The following CTIF variants were observed in gnomAD, a reference collection of about 807,000 sequenced individuals.
CTIF encodes CBP80/20-dependent translation initiation factor.
Under a neutral mutation model 66.0 loss-of-function variants are expected in CTIF, and 21 were observed. That is an observed-to-expected ratio of 0.32 (90% CI 0.23 to 0.46). The LOEUF (loss-of-function observed/expected upper bound fraction) is 0.46, where lower values mean the gene tolerates loss of function less well. CTIF is among the 20% of genes least tolerant of loss of function. CTIF has a pLI of 1.00. For synonymous variants in CTIF, 345 were observed against 326.4 expected (o/e 1.06, Z -0.62); for missense variants, 739 against 812.7 (o/e 0.91, Z 1.10).
intron 2 of CTIF, among the ~76,000 whole-genome samples, chr18:48,627,770 G>C (rs373941033): frequency 9.6e-4 from 129 of 134,946 alleles, no homozygotes; most frequent in Admixed American, 1.6e-3. Context: ...AGACAGGGTT[G>C]GGGGGGAGGG....
In CTIF at chr18:48,821,453, A is replaced by T. The variant is rs188089694; in HGVS notation, c.1527+4077A>T. 2.3e-3 allele frequency among the ~76,000 whole-genome samples: 344 copies of T among 152,384 alleles called. 2 individuals carry two copies. The highest frequency in any genetic ancestry group is 6.8e-3 in the Middle Eastern group (2 of 294). ...CACCAAGCGGTAGAATCAGTCCTGG[A>T]ATCCAGATCTGACCACCCCATTTCA... On this transcript the variant is annotated intron_variant, in intron 10 of 11. Transcript: ENST00000256413.
At chr18:48,705,826 G>C (rs1598901580) in intron 6 of CTIF, among the ~76,000 whole-genome samples, 1 of 152,238 alleles carries the variant, frequency 6.6e-6, no homozygotes, top group Non-Finnish European at 1.5e-5. Context: ...CACCCACCTG[G>C]CAGAACCTTC....
At position 48,619,669 on chromosome 18, in the gene CTIF, A is replaced by G; in HGVS notation, c.104A>G (p.Tyr35Cys). 6.2e-7 allele frequency: 1 copy of G among 1,607,570 alleles called. No individual in the cohort carries two copies. The highest frequency in any genetic ancestry group is 8.5e-7 in the Non-Finnish European group (1 of 1,177,296). Reference sequence around the variant, plus strand: ...TTCATCGACAGCTACGTGCTGGAGTACCAGGTGCAGGGGCTGCTGGCTGAC... The same window carrying G: ...TTCATCGACAGCTACGTGCTGGAGTGCCAGGTGCAGGGGCTGCTGGCTGAC... ...ERFIDSYVLEYQVQGLLADKT... is the reference protein window; with the variant it reads ...ERFIDSYVLECQVQGLLADKT... Residue 35 changes from tyrosine (Y) to cysteine (C), a missense_variant, in exon 2 of 12, where the codon TAC becomes TGC. By Grantham distance (194) the Tyr-to-Cys change is radical (BLOSUM62 -2). Around this residue, in one of 2 missense-constraint regions of CTIF, gnomAD observed 529 missense variants for 520.3 expected, o/e 1.02. Coordinates refer to ENST00000256413, the MANE Select transcript of CTIF (RefSeq NM_014772.3).
chr18:48,784,668 C>A (rs1427885503), intron 9 of CTIF, among the ~76,000 whole-genome samples: 1 of 152,022 alleles, frequency 6.6e-6, no homozygotes, highest in African/African-American at 2.4e-5. Context: ...CTGGGAGAGC[C>A]AGGAGAGGTG....
At chr18:48,806,096 G>A (rs1366761202) in intron 9 of CTIF, among the ~76,000 whole-genome samples, 1 of 152,224 alleles carries the variant, frequency 6.6e-6, no homozygotes, top group Admixed American at 6.5e-5. Flanking sequence ...GGGGGCTGTG[G>A]TGGAGGGGAC....
Position 48,680,696 on chromosome 18 carries a change from G to C in CTIF, c.507+9952G>C, listed in dbSNP as rs997496497. Among the ~76,000 whole-genome samples, 7 of 152,388 alleles carry C rather than the reference G, an allele frequency of 4.6e-5. No homozygotes were observed. In the East Asian group the frequency reaches 1.3e-3, roughly 29 times the overall value. ...CCTGAGCCAATTTGGCGATGCCCTT[G>C]ATGACTTGGGCCAGGCCTGGTTGAT... On this transcript the variant is annotated intron_variant, in intron 6 of 11. Transcript: ENST00000256413.
Position 48,617,353 on chromosome 18 carries a change from A to G in CTIF, c.-28-2185A>G, listed in dbSNP as rs927504712. 3.3e-5 allele frequency among the ~76,000 whole-genome samples: 5 copies of G among 152,208 alleles called. No homozygotes were observed. In the East Asian group the frequency reaches 9.6e-4, roughly 29 times the overall value. The stretch of plus-strand genomic sequence containing the variant: ...AAGTGCTTGGGTCAGGCCCTCCTGA[A>G]TAGTCTCTCTATCTTAAAGTCGACT... On this transcript the variant is annotated intron_variant, in intron 1 of 11. Transcript: ENST00000256413.
intron 7 of CTIF, among the ~76,000 whole-genome samples, chr18:48,742,627 G>C (rs867128420): frequency 2.6e-5 from 4 of 152,252 alleles, no homozygotes; most frequent in Non-Finnish European, 4.4e-5. Flanking sequence ...CTCTGTGTCA[G>C]AGCCAAGGCG....
chr18:48,630,906 T>G (rs944035694), intron 2 of CTIF, among the ~76,000 whole-genome samples: 4 of 152,078 alleles, frequency 2.6e-5, no homozygotes, highest in African/African-American at 9.7e-5. Flanking sequence ...CTTGATCTCC[T>G]GAACTCGTGA....
intron 3 of CTIF, among the ~76,000 whole-genome samples, chr18:48,644,603 C>G (rs1290429117): frequency 6.6e-6 from 1 of 152,230 alleles, no homozygotes; most frequent in Non-Finnish European, 1.5e-5. Context: ...ATGCTGACAA[C>G]TAGCTCCTAT....
At chr18:48,803,217 T>C (rs1240000299) in intron 9 of CTIF, among the ~76,000 whole-genome samples, 1 of 152,220 alleles carries the variant, frequency 6.6e-6, no homozygotes, top group Non-Finnish European at 1.5e-5. Context: ...CAGATTTAGC[T>C]GGAAGTGGCT....
chr18:48,825,758 T>A (rs1286985720), intron 10 of CTIF, among the ~76,000 whole-genome samples: 2 of 152,204 alleles, frequency 1.3e-5, no homozygotes, highest in Non-Finnish European at 2.9e-5. Flanking sequence ...GAGCAGAGAT[T>A]TGCTGGCTGG....
At chr18:48,702,710 A>T (rs969604547) in intron 6 of CTIF, among the ~76,000 whole-genome samples, 1 of 152,230 alleles carries the variant, frequency 6.6e-6, no homozygotes, top group Non-Finnish European at 1.5e-5. Flanking sequence ...ATAATAAATT[A>T]AAAGTTAGAA....
At chr18:48,609,088 C>T (rs1357666603) in intron 1 of CTIF, among the ~76,000 whole-genome samples, 1 of 152,214 alleles carries the variant, frequency 6.6e-6, no homozygotes, top group Non-Finnish European at 1.5e-5. Context: ...CACCCATCTA[C>T]CTTCAGAGTC....
At chr18:48,726,649 A>G (rs2092389543) in intron 7 of CTIF, among the ~76,000 whole-genome samples, 1 of 152,178 alleles carries the variant, frequency 6.6e-6, no homozygotes, top group African/African-American at 2.4e-5. Flanking sequence ...AGAGAGACAG[A>G]CAGGAAGACA....
At chr18:48,797,619 G>A (rs574052722) in intron 9 of CTIF, among the ~76,000 whole-genome samples, 8 of 151,934 alleles carry the variant, frequency 5.3e-5, no homozygotes, top group African/African-American at 1.2e-4. Context: ...CTGATGGTGC[G>A]GTGTTAATGG....
chr18:48,675,478 T>C (rs891030947), intron 6 of CTIF, among the ~76,000 whole-genome samples: 5 of 152,188 alleles, frequency 3.3e-5, no homozygotes, highest in African/African-American at 1.2e-4. Context: ...GGAAGTCCCC[T>C]GGTCCCAGCG....
At chr18:48,793,307 T>C (rs1231029588) in intron 9 of CTIF, among the ~76,000 whole-genome samples, 1 of 152,218 alleles carries the variant, frequency 6.6e-6, no homozygotes, top group Non-Finnish European at 1.5e-5. Flanking sequence ...TGACATTTCC[T>C]GGGAAAGTGG....
At chr18:48,611,063 G>A (rs1366394526) in intron 1 of CTIF, among the ~76,000 whole-genome samples, 1 of 152,182 alleles carries the variant, frequency 6.6e-6, no homozygotes, top group Admixed American at 6.5e-5. Context: ...GTAAAGGCTT[G>A]GATCCTGCAT....
Sources: gnomAD v4.1 joint callset for allele counts (sites outside exome capture counted in the v4.1 genomes callset) on GRCh38, gnomAD v4.1.1 for gene constraint, gnomAD v4.1.1 regional missense constraint, MANE v1.5 for transcripts, NCBI Gene and HGNC (gene_info 2026-07-23, HGNC 2026-07-21) for gene names.